CSMD1: variants seen among roughly 807,000 people sequenced by gnomAD.
The protein encoded by CSMD1 is CUB and sushi domain-containing protein 1.
CSMD1 carries 213 observed loss-of-function variants against 417.5 expected under a neutral mutation model. That is an observed-to-expected ratio of 0.51 (90% CI 0.46 to 0.57). The LOEUF (loss-of-function observed/expected upper bound fraction) is 0.57. Ranked by LOEUF, CSMD1 falls within the 20% of genes least tolerant of loss-of-function variation. The pLI is 0.00. For missense variants in CSMD1, 6,923 were observed against 4,529.7 expected, an observed-to-expected ratio of 1.53 and a Z score of -15.17; for synonymous variants, 2,862 against 1,736.8, an observed-to-expected ratio of 1.65 and a Z score of -16.11.
chr8:4,060,385 A>G (rs1178576406), intron 3 of CSMD1, among the ~76,000 whole-genome samples: 4 of 152,240 alleles, frequency 2.6e-5, no homozygotes, highest in African/African-American at 9.6e-5. Flanking sequence ...AACTGGCACA[A>G]GACAGGGATG....
chr8:3,758,032 C>T (rs1445416631), intron 5 of CSMD1, among the ~76,000 whole-genome samples: 1 of 152,102 alleles, frequency 6.6e-6, no homozygotes, highest in Non-Finnish European at 1.5e-5. Flanking sequence ...GGCACAATCT[C>T]AGCTCGCTGC....
intron 5 of CSMD1, among the ~76,000 whole-genome samples, chr8:3,866,978 A>G (rs956980996): frequency 1.3e-5 from 2 of 152,228 alleles, no homozygotes; most frequent in African/African-American, 4.8e-5. Context: ...CATTTTGCTT[A>G]TACCATAAAA....
chr8:3,970,311 G>A (rs1031940973), intron 5 of CSMD1, among the ~76,000 whole-genome samples: 3 of 152,146 alleles, frequency 2.0e-5, no homozygotes, highest in Admixed American at 2.0e-4. Flanking sequence ...TAGAGGCACG[G>A]TGATCAACAC....
chr8:3,311,753 A>C (rs997481), intron 23 of CSMD1, among the ~76,000 whole-genome samples: 51,312 of 151,932 alleles, frequency 0.34, 10,049 homozygotes, highest in South Asian at 0.57. Flanking sequence ...TTTGACAATA[A>C]ATTATGTTCT....
At chr8:4,772,944 C>A (rs1387148384) in intron 1 of CSMD1, among the ~76,000 whole-genome samples, 2 of 152,078 alleles carry the variant, frequency 1.3e-5, no homozygotes, top group African/African-American at 4.8e-5. Flanking sequence ...TGCAACATTG[C>A]TGGAATATAA....
At position 3,108,621 on chromosome 8, in the gene CSMD1, A is replaced by G. The variant is rs1434837081; in HGVS notation, c.6736T>C (p.Phe2246Leu). Reference protein sequence around the residue: ...FHSDFSNGGFFVLNFHAFQLK... With the variant: ...FHSDFSNGGFLVLNFHAFQLK... ...AACTGACCGTGGAAATTGAGGACAAAGAAGCCTCCATTTGAAAAGTCGCTG... is the reference window on the plus strand; with the variant it reads ...AACTGACCGTGGAAATTGAGGACAAGGAAGCCTCCATTTGAAAAGTCGCTG... Residue 2246 changes from phenylalanine to leucine, a missense_variant, in exon 44 of 70, where the codon TTT (phenylalanine) becomes CTT (leucine). Physicochemically the swap from Phe to Leu is conservative, Grantham distance 22 (BLOSUM62 0). Transcript: ENST00000635120. 1 of 1,613,858 alleles carries G rather than the reference A, an allele frequency of 6.2e-7. No individual in the cohort carries two copies. Among genetic ancestry groups the G allele is most frequent in the Non-Finnish European group, 8.5e-7 (1 of 1,179,852 alleles).
chr8:4,182,976 AG>A (rs1798462278), intron 3 of CSMD1, among the ~76,000 whole-genome samples: 2 of 152,174 alleles, frequency 1.3e-5, no homozygotes, highest in Admixed American at 1.3e-4. Context: ...AGGCAAGGAA[AG>A]GAAGGATCAA....
At chr8:4,556,462 T>G (rs1157531881) in intron 2 of CSMD1, among the ~76,000 whole-genome samples, 1 of 152,176 alleles carries the variant, frequency 6.6e-6, no homozygotes, top group Non-Finnish European at 1.5e-5. Context: ...GTGCTCATAT[T>G]GCTTGCTACA....
At chr8:3,886,880 C>T (rs1026797112) in intron 5 of CSMD1, among the ~76,000 whole-genome samples, 13 of 152,228 alleles carry the variant, frequency 8.5e-5, no homozygotes, top group African/African-American at 2.2e-4. Flanking sequence ...TACTGGCTCT[C>T]GCATGGTAAT....
At chr8:4,027,888 CTT>C (rs1305406590) in intron 4 of CSMD1, among the ~76,000 whole-genome samples, 2 of 152,042 alleles carry the variant, frequency 1.3e-5, no homozygotes, top group Non-Finnish European at 2.9e-5. Context: ...GACACAGTAA[CTT>C]TGATTTTTTT....
chr8:3,382,163 GC>G (rs1810669991), intron 18 of CSMD1, among the ~76,000 whole-genome samples: 1 of 152,082 alleles, frequency 6.6e-6, no homozygotes, highest in African/African-American at 2.4e-5. Context: ...GGAGGCTGAG[GC>G]AGGGTAATCG....
chr8:4,848,816 T>G (rs1039462955), intron 1 of CSMD1, among the ~76,000 whole-genome samples: 2 of 152,234 alleles, frequency 1.3e-5, no homozygotes, highest in Admixed American at 1.3e-4. Context: ...AGTGCTGGGA[T>G]TACAGGCGTG....
intron 6 of CSMD1, among the ~76,000 whole-genome samples, chr8:3,736,984 G>A (rs17067241): frequency 0.072 from 11,027 of 152,148 alleles, 436 homozygotes; most frequent in Middle Eastern, 0.11. Context: ...TTCCTCCCAG[G>A]ATCTGATACA....
chr8:4,203,639 C>G (rs998536389), intron 3 of CSMD1, among the ~76,000 whole-genome samples: 3 of 152,100 alleles, frequency 2.0e-5, no homozygotes, highest in African/African-American at 2.4e-5. Context: ...GGGGTGGACA[C>G]TACACACATT....
chr8:3,778,053 T>C (rs1432747468), intron 5 of CSMD1, among the ~76,000 whole-genome samples: 2 of 152,214 alleles, frequency 1.3e-5, no homozygotes, highest in East Asian at 3.9e-4. Flanking sequence ...TAACAGGCTG[T>C]CCACGTCCCT....
At chr8:3,715,320 G>T (rs962050169) in intron 6 of CSMD1, among the ~76,000 whole-genome samples, 1 of 152,164 alleles carries the variant, frequency 6.6e-6, no homozygotes, top group Admixed American at 6.5e-5. Flanking sequence ...TAGGAGCTAT[G>T]TCTCTACTGT....
At chr8:4,103,308 A>C (rs1284152132) in intron 3 of CSMD1, among the ~76,000 whole-genome samples, 2 of 151,428 alleles carry the variant, frequency 1.3e-5, no homozygotes, top group Non-Finnish European at 2.9e-5. Flanking sequence ...GTGCATATAC[A>C]CACAGTGATC....
intron 1 of CSMD1, among the ~76,000 whole-genome samples, chr8:4,981,991 C>A (rs756625660): frequency 1.3e-5 from 2 of 152,102 alleles, no homozygotes; most frequent in Middle Eastern, 3.2e-3. Flanking sequence ...TAAACTCTGG[C>A]CAAAAGCCAG....
chr8:3,188,255 AC>A (rs1222074320), intron 35 of CSMD1, among the ~76,000 whole-genome samples: 1 of 137,844 alleles, frequency 7.3e-6, no homozygotes, highest in Non-Finnish European at 1.6e-5. Flanking sequence ...TTTAAAAAAA[AC>A]AAAACAAACC....
Sources: gnomAD v4.1 joint callset for allele counts (sites outside exome capture counted in the v4.1 genomes callset) on GRCh38, gnomAD v4.1.1 for gene constraint, MANE v1.5 for transcripts, NCBI Gene and HGNC (gene_info 2026-07-23, HGNC 2026-07-21) for gene names.